Variants in GFRA1 observed in about 807,000 individuals in gnomAD.
GFRA1 encodes GDNF family receptor alpha 1.
A neutral mutation model predicts 51.6 loss-of-function variants in GFRA1; 16 were observed. The observed-to-expected ratio is 0.31, with a 90% CI of 0.21 to 0.47. GFRA1 has a LOEUF of 0.47. GFRA1 is among the 20% of genes least tolerant of loss of function. GFRA1 has a pLI of 1.00. For synonymous variants in GFRA1, 270 were observed against 241.3 expected (o/e 1.12, Z -1.10); for missense variants, 530 against 594.3 (o/e 0.89, Z 1.13).
chr10:116,149,231 C>CA (rs1206782162), intron 5 of GFRA1, among the ~76,000 whole-genome samples: 1 of 152,096 alleles, frequency 6.6e-6, no homozygotes, highest in Non-Finnish European at 1.5e-5. Flanking sequence ...CCTTGAATTC[C>CA]AAGAAAGCAA....
chr10:116,134,518 C>T (rs975117285), intron 5 of GFRA1, among the ~76,000 whole-genome samples: 4 of 152,142 alleles, frequency 2.6e-5, no homozygotes, highest in Admixed American at 1.3e-4. Flanking sequence ...TTGGCTTTTT[C>T]CAGCTAGGGT....
chr10:116,220,693 A>C (rs921968081), intron 4 of GFRA1, among the ~76,000 whole-genome samples: 4 of 152,178 alleles, frequency 2.6e-5, no homozygotes, highest in Non-Finnish European at 5.9e-5. Context: ...TTGATGATGT[A>C]ATACACTCTA....
At chr10:116,128,967 TCTA>T (rs1957991140) in intron 5 of GFRA1, among the ~76,000 whole-genome samples, 1 of 152,172 alleles carries the variant, frequency 6.6e-6, no homozygotes, top group Non-Finnish European at 1.5e-5. Flanking sequence ...AGCCTCACTT[TCTA>T]CTGATTCTAT....
intron 9 of GFRA1, among the ~76,000 whole-genome samples, chr10:116,078,783 C>CCAAA (rs1211512398): frequency 6.6e-6 from 1 of 152,084 alleles, no homozygotes; most frequent in Non-Finnish European, 1.5e-5. Context: ...AGACCATAAA[C>CCAAA]CAAACACCAC....
At chr10:116,126,908 G>A (rs1382566812) in intron 5 of GFRA1, among the ~76,000 whole-genome samples, 2 of 152,142 alleles carry the variant, frequency 1.3e-5, no homozygotes, top group African/African-American at 4.8e-5. Flanking sequence ...ATATTATTCA[G>A]CCTTAGAAAA....
At chr10:116,240,907 T>C (rs1326184592) in intron 4 of GFRA1, among the ~76,000 whole-genome samples, 1 of 152,190 alleles carries the variant, frequency 6.6e-6, no homozygotes, top group African/African-American at 2.4e-5. Flanking sequence ...CAGGTAGCTG[T>C]AGTTATGATC....
intron 4 of GFRA1, among the ~76,000 whole-genome samples, chr10:116,240,263 C>T (rs1161359150): frequency 6.6e-6 from 1 of 152,148 alleles, no homozygotes; most frequent in Non-Finnish European, 1.5e-5. Flanking sequence ...CCCAACTACT[C>T]CACGGCTTGA....
chr10:116,239,642 T>C (rs1346412031), intron 4 of GFRA1, among the ~76,000 whole-genome samples: 2 of 152,220 alleles, frequency 1.3e-5, no homozygotes, highest in African/African-American at 2.4e-5. Context: ...CTGTCATACA[T>C]TTAGAATGGA....
In GFRA1 at chr10:116,061,802, T is replaced by G; in HGVS notation, c.*2596A>C. 1 of 395,020 alleles carries G rather than the reference T, an allele frequency of 2.5e-6. No homozygotes were observed. Among genetic ancestry groups the G allele is most frequent in the Non-Finnish European group, 4.5e-6 (1 of 224,260 alleles). 24.5% of individuals were successfully genotyped at this position (395,020 alleles called of 1,614,324 possible). On this transcript the variant is annotated 3_prime_UTR_variant, in exon 11 of 11. Transcript: ENST00000355422. ...AAGTGAGACAGGTAAATGATTTAACTTATTGTGCTCCAGTTCTGGGGCAAA... is the reference window on the plus strand; with the variant it reads ...AAGTGAGACAGGTAAATGATTTAACGTATTGTGCTCCAGTTCTGGGGCAAA...
chr10:116,270,108 C>A (rs1261059098), intron 3 of GFRA1, among the ~76,000 whole-genome samples: 1 of 152,146 alleles, frequency 6.6e-6, no homozygotes, highest in Non-Finnish European at 1.5e-5. Flanking sequence ...GAGTCTCAGT[C>A]AAGAATGAAC....
At chr10:116,143,386 G>C (rs1242673966) in intron 5 of GFRA1, among the ~76,000 whole-genome samples, 1 of 150,972 alleles carries the variant, frequency 6.6e-6, no homozygotes, top group South Asian at 2.1e-4. Flanking sequence ...AGAGGTGGTT[G>C]GTTTAAATAA....
At position 116,060,034 on chromosome 10, in the gene GFRA1, G is replaced by GAATC. The variant is rs1565541902; in HGVS notation, c.*4360_*4363dup. 2 of 152,268 alleles carry GAATC rather than the reference G, an allele frequency of 1.3e-5. No homozygotes were observed. The highest frequency in any genetic ancestry group is 3.9e-4 in the East Asian group (2 of 5,178). The allele number at this position is 152,268 out of a possible 1,614,324, so 9.4% of individuals were successfully genotyped here. A position where few individuals can be genotyped will look rare whatever the true frequency, so the allele number is the denominator to read the frequency against. On this transcript the variant is annotated 3_prime_UTR_variant, in exon 11 of 11. Coordinates refer to ENST00000355422, the MANE Select transcript of GFRA1 (RefSeq NM_005264.8). ...TGAATAATAACGATGAAAGAGAGCT[G>GAATC]AATCAGCCAATATCCTGATATAAAT...
intron 8 of GFRA1, among the ~76,000 whole-genome samples, chr10:116,090,257 T>C (rs2133875758): frequency 6.6e-6 from 1 of 152,258 alleles, no homozygotes; most frequent in Middle Eastern, 3.4e-3. Context: ...CCAGCATCAG[T>C]ACTGTTACTT....
chr10:116,261,571 T>C (rs547562409), intron 4 of GFRA1, among the ~76,000 whole-genome samples: 1 of 152,332 alleles, frequency 6.6e-6, no homozygotes, highest in Non-Finnish European at 1.5e-5. Flanking sequence ...TCTTCTTCCA[T>C]GTATTCAAAT....
chr10:116,065,513 C>T, intron 10 of GFRA1, 60 bp downstream of exon 10: 1 of 1,372,752 alleles, frequency 7.3e-7, no homozygotes, highest in Non-Finnish European at 1.0e-6. Flanking sequence ...ACCCTGCCCC[C>T]AGGGGCCCAA....
chr10:116,110,260 A>T (rs1321632434), intron 6 of GFRA1, among the ~76,000 whole-genome samples: 1 of 152,098 alleles, frequency 6.6e-6, no homozygotes, highest in South Asian at 2.1e-4. Context: ...GATTTCACTG[A>T]GCATTAAACT....
chr10:116,155,178 A>G (rs893815128), intron 5 of GFRA1, among the ~76,000 whole-genome samples: 2 of 152,136 alleles, frequency 1.3e-5, no homozygotes, highest in Middle Eastern at 3.2e-3. Flanking sequence ...TAATTCCCAT[A>G]TTAAAAATAG....
intron 4 of GFRA1, among the ~76,000 whole-genome samples, chr10:116,214,745 G>A (rs767136241): frequency 2.0e-5 from 3 of 152,180 alleles, no homozygotes; most frequent in Non-Finnish European, 2.9e-5. Context: ...CCTCCTCTGC[G>A]TGGTTTTGAC....
chr10:116,211,511 G>A (rs1965192051), intron 5 of GFRA1, 120 bp downstream of exon 5: 2 of 892,666 alleles, frequency 2.2e-6, no homozygotes, highest in African/African-American at 3.3e-5. Flanking sequence ...GTGTCCCTGA[G>A]GGCCTAAATG....
Sources: gnomAD v4.1 joint callset for allele counts (sites outside exome capture counted in the v4.1 genomes callset) on GRCh38, gnomAD v4.1.1 for gene constraint, MANE v1.5 for transcripts, NCBI Gene and HGNC (gene_info 2026-07-23, HGNC 2026-07-21) for gene names.